Variants in HCLS1 observed in about 807,000 individuals in gnomAD.
HCLS1 encodes hematopoietic cell-specific Lyn substrate 1, also known as hematopoietic lineage cell-specific protein.
In HCLS1, 44 loss-of-function variants were observed where a neutral mutation model predicts 68.6. The ratio of observed to expected loss-of-function variants is 0.64; its 90% CI spans 0.50 to 0.82. The LOEUF is 0.82. HCLS1 is among the 40% of genes least tolerant of loss of function. HCLS1 has a pLI of 0.00. For synonymous variants in HCLS1, 217 were observed against 225.8 expected, an observed-to-expected ratio of 0.96 and a Z score of 0.35; for missense variants, 602 against 612.1, an observed-to-expected ratio of 0.98 and a Z score of 0.17.
intron 4 of HCLS1, among the ~76,000 whole-genome samples, chr3:121,646,999 T>G (rs1937620495): frequency 6.8e-6 from 1 of 146,616 alleles, no homozygotes; most frequent in Non-Finnish European, 1.5e-5. Flanking sequence ...TTTTTTTTTT[T>G]GAGACAGAGT....
chr3:121,650,142 C>T (rs147187746), intron 3 of HCLS1, among the ~76,000 whole-genome samples: 1 of 152,014 alleles, frequency 6.6e-6, no homozygotes, highest in Non-Finnish European at 1.5e-5. Context: ...GACCTAAACA[C>T]TAAAAAATAT....
intron 3 of HCLS1, among the ~76,000 whole-genome samples, chr3:121,650,243 C>T (rs1052185917): frequency 6.6e-6 from 1 of 152,124 alleles, no homozygotes; most frequent in African/African-American, 2.4e-5. Flanking sequence ...TGTCAGTTCT[C>T]CCTAAAATGA....
At chr3:121,648,045 G>C (rs183196403) in intron 3 of HCLS1, among the ~76,000 whole-genome samples, 140 of 152,252 alleles carry the variant, frequency 9.2e-4, no homozygotes, top group African/African-American at 2.7e-3. Flanking sequence ...TAGTGTACTA[G>C]GAAGTCATTA....
Position 121,642,946 on chromosome 3 carries a change from C to T in HCLS1, c.435G>A (p.Glu145=). ...AVGFDYKGEV[E]KHTSQKDYSR... ...CCTTGCCTTTCTGAGATGTGTGCTT[C>T]TCCACTTCTCCTTTATAATCAAAGC... Residue 145 remains glutamate, a synonymous_variant, in exon 6 of 14, where the codon GAG becomes GAA. Transcript: ENST00000314583. The T allele has an allele frequency of 1.1e-5, 18 of 1,613,340 alleles. No homozygotes were observed. Among genetic ancestry groups the T allele is most frequent in the Non-Finnish European group, 1.3e-5 (15 of 1,179,310 alleles).
rs2108855281 is a variant in HCLS1, at chr3:121,632,386, C to T, written c.1186G>A (p.Asp396Asn). ...RHEQEDEPEG[D>N]YEEVLEPEDS... is the part of the protein sequence containing the mutation. ...TCAGGCTCGAGCACCTCCTCATAGT[C>T]CCCCTCTGGTTCATCCTCCTGCTCA... is the stretch of plus-strand genomic sequence containing the variant. The change falls in exon 12 of 14, where the codon GAC (aspartate) becomes AAC (asparagine). Residue 396 changes from aspartate (D) to asparagine (N), a missense_variant. Coordinates refer to ENST00000314583, the MANE Select transcript of HCLS1 (RefSeq NM_005335.6). 6.2e-7 allele frequency: 1 copy of T among 1,614,106 alleles called. No individual in the cohort carries two copies. Among genetic ancestry groups the T allele is most frequent in the Non-Finnish European group, 8.5e-7 (1 of 1,180,018 alleles).
intron 4 of HCLS1, among the ~76,000 whole-genome samples, chr3:121,646,671 C>A (rs1251257839): frequency 3.6e-5 from 4 of 111,448 alleles, no homozygotes; most frequent in South Asian, 2.7e-4. Context: ...TATATATACA[C>A]TTATATATAA....
Position 121,631,871 on chromosome 3 carries a change from G to T in HCLS1, c.1436C>A (p.Ala479Glu), listed in dbSNP as rs142693789. ...RCHGHFGLFPANYVKLLE is the reference protein window; with the variant it reads ...RCHGHFGLFPENYVKLLE Reference sequence around the variant, plus strand: ...TCACTCCAGAAGCTTGACATAATTTGCAGGGAAGAGTCCAAAGTGGCCATG... The same window carrying T: ...TCACTCCAGAAGCTTGACATAATTTTCAGGGAAGAGTCCAAAGTGGCCATG... The change falls in exon 14 of 14, where the codon GCA becomes GAA. Residue 479 changes from alanine to glutamate, a missense_variant. Ala to Glu is a moderately radical substitution (Grantham distance 107, BLOSUM62 -1). Coordinates refer to ENST00000314583, the MANE Select transcript of HCLS1 (RefSeq NM_005335.6). 1.9e-6 allele frequency: 3 copies of T among 1,614,032 alleles called. No homozygotes were observed. Among genetic ancestry groups the T allele is most frequent in the Non-Finnish European group, 2.5e-6 (3 of 1,180,022 alleles).
At chr3:121,632,285 T>A in intron 12 of HCLS1, 47 bp downstream of exon 12, 1 of 1,605,058 alleles carries the variant, frequency 6.2e-7, no homozygotes, top group South Asian at 1.1e-5. Context: ...CCTCTTACCC[T>A]CCCCTGGACA....
intron 6 of HCLS1, among the ~76,000 whole-genome samples, chr3:121,641,053 G>T (rs181388068): frequency 6.6e-6 from 1 of 152,162 alleles, no homozygotes; most frequent in Non-Finnish European, 1.5e-5. Context: ...ATTATTCCAA[G>T]AGAAAATGCC....
intron 5 of HCLS1, 122 bp downstream of exon 5, chr3:121,644,696 G>T (rs1489212035): frequency 2.5e-6 from 2 of 799,574 alleles, no homozygotes; most frequent in Non-Finnish European, 4.5e-6. Context: ...ACGGTGTCAG[G>T]TCCTCACAGC....
intron 10 of HCLS1, among the ~76,000 whole-genome samples, 189 bp downstream of exon 10, chr3:121,634,018 G>C (rs1419738015): frequency 6.6e-6 from 1 of 152,164 alleles, no homozygotes; most frequent in Non-Finnish European, 1.5e-5. Context: ...TAAATCTTGA[G>C]GGTTTTTTCT....
At chr3:121,650,735 A>G (rs960229146) in intron 3 of HCLS1, among the ~76,000 whole-genome samples, 1 of 152,226 alleles carries the variant, frequency 6.6e-6, no homozygotes, top group African/African-American at 2.4e-5. Context: ...ACTTTGGGGT[A>G]GGTAAATATT....
chr3:121,639,751 G>A (rs954266004), intron 6 of HCLS1, among the ~76,000 whole-genome samples: 1 of 152,174 alleles, frequency 6.6e-6, no homozygotes, highest in African/African-American at 2.4e-5. Context: ...TGTAGCAAAT[G>A]TTTGTAGCAA....
intron 4 of HCLS1, among the ~76,000 whole-genome samples, chr3:121,646,488 T>A (rs1219942579): frequency 9.5e-6 from 1 of 105,284 alleles, no homozygotes; most frequent in Non-Finnish European, 1.7e-5. Context: ...TATAGATATA[T>A]TATATATTAT....
chr3:121,634,070 T>A (rs2049125815), intron 10 of HCLS1, 137 bp downstream of exon 10: 1 of 1,453,346 alleles, frequency 6.9e-7, no homozygotes, highest in Non-Finnish European at 9.1e-7. Context: ...GACTGAAGTC[T>A]TCTAAAGACA....
chr3:121,634,873 TA>T (rs999523588), intron 9 of HCLS1, among the ~76,000 whole-genome samples: 1 of 152,118 alleles, frequency 6.6e-6, no homozygotes, highest in African/African-American at 2.4e-5. Flanking sequence ...TTCAAGTGAT[TA>T]TCCTACTTCA....
At chr3:121,647,193 G>A in intron 4 of HCLS1, 126 bp downstream of exon 4, 5 of 893,126 alleles carry the variant, frequency 5.6e-6, no homozygotes, top group Non-Finnish European at 7.0e-6. Context: ...GTGTTAGCCA[G>A]GATGGTCTCG....
At position 121,632,455 on chromosome 3, in the gene HCLS1, C is replaced by CGGGCTCAGGCTT. The variant is rs1560135983; in HGVS notation, c.1116_1117insAAGCCTGAGCCC (p.Pro372_Glu373insLysProGluPro). 3 of 1,612,780 alleles carry CGGGCTCAGGCTT rather than the reference C, an allele frequency of 1.9e-6. No homozygotes were observed. The highest frequency in any genetic ancestry group is 1.1e-5 in the South Asian group (1 of 91,010). ...ACGTCCTCATAGTCATTCTCAGGCTCGGGCTCAGGCTCGGGCTCAGGCTCA... is the reference window on the plus strand; with the variant it reads ...ACGTCCTCATAGTCATTCTCAGGCTCGGGCTCAGGCTTGGGCTCAGGCTCGGGCTCAGGCTCA... On this transcript the variant is annotated inframe_insertion, in exon 12 of 14. Coordinates refer to ENST00000314583, the MANE Select transcript of HCLS1 (RefSeq NM_005335.6).
At chr3:121,649,231 T>A (rs1937685777) in intron 3 of HCLS1, among the ~76,000 whole-genome samples, 2 of 151,480 alleles carry the variant, frequency 1.3e-5, no homozygotes, top group Admixed American at 1.3e-4. Flanking sequence ...TCTAAACAGG[T>A]CTTTATTATT....
Sources: gnomAD v4.1 joint callset for allele counts (sites outside exome capture counted in the v4.1 genomes callset) on GRCh38, gnomAD v4.1.1 for gene constraint, MANE v1.5 for transcripts, NCBI Gene and HGNC (gene_info 2026-07-23, HGNC 2026-07-21) for gene names.